The following CUL3 variants were observed in gnomAD, a reference collection of about 807,000 sequenced individuals.
CUL3 encodes cullin 3.
CUL3 carries 19 observed loss-of-function variants against 89.1 expected under a neutral mutation model. The ratio of observed to expected loss-of-function variants is 0.21; its 90% CI spans 0.15 to 0.31. The LOEUF (loss-of-function observed/expected upper bound fraction) is 0.31, where lower values mean the gene tolerates loss of function less well. Among genes scored for constraint, CUL3 ranks in the 10% least tolerant of loss-of-function variants. CUL3 has a pLI of 1.00. For synonymous variants in CUL3, 351 were observed against 308.4 expected (o/e 1.14, Z -1.45); for missense variants, 469 against 942.3 (o/e 0.50, Z 6.58).
At chr2:224,523,852 T>C (rs1162696799) in intron 3 of CUL3, among the ~76,000 whole-genome samples, 1 of 152,126 alleles carries the variant, frequency 6.6e-6, no homozygotes, top group Non-Finnish European at 1.5e-5. Flanking sequence ...CATGAGGTAA[T>C]GAGTGATCAA....
chr2:224,523,312 G>A (rs572665672), intron 3 of CUL3, among the ~76,000 whole-genome samples: 89 of 151,436 alleles, frequency 5.9e-4, no homozygotes, highest in African/African-American at 1.9e-3. Flanking sequence ...TAAGACCAAC[G>A]CCCCTGGAAG....
chr2:224,501,001 T>C (rs1574632733), intron 10 of CUL3, among the ~76,000 whole-genome samples: 1 of 152,164 alleles, frequency 6.6e-6, no homozygotes, highest in Admixed American at 6.5e-5. Context: ...GCTTAATTAT[T>C]GCTTATTATG....
intron 11 of CUL3, among the ~76,000 whole-genome samples, chr2:224,498,766 G>C (rs1345596046): frequency 6.6e-6 from 1 of 152,202 alleles, no homozygotes; most frequent in Non-Finnish European, 1.5e-5. Context: ...GGTGGAGACA[G>C]TATACAAGAT....
chr2:224,492,975 T>C (rs1362371914), intron 13 of CUL3, among the ~76,000 whole-genome samples: 6 of 152,028 alleles, frequency 3.9e-5, no homozygotes, highest in Non-Finnish European at 7.4e-5. Flanking sequence ...TAAGGCCACT[T>C]AACAACATCC....
chr2:224,546,058 TG>T (rs2106283869), intron 2 of CUL3, among the ~76,000 whole-genome samples: 1 of 152,260 alleles, frequency 6.6e-6, no homozygotes, highest in African/African-American at 2.4e-5. Flanking sequence ...ACTTACTGGT[TG>T]GAAAGGAATG....
intron 2 of CUL3, among the ~76,000 whole-genome samples, chr2:224,536,007 A>G (rs1323875450): frequency 6.6e-6 from 1 of 152,030 alleles, no homozygotes. Flanking sequence ...CCCTTCCCCA[A>G]CTTTGAATAA....
chr2:224,527,028 T>C (rs1357751131), intron 3 of CUL3, among the ~76,000 whole-genome samples: 1 of 152,192 alleles, frequency 6.6e-6, no homozygotes, highest in Non-Finnish European at 1.5e-5. Context: ...AGTATGTGAC[T>C]TCTAACTATA....
chr2:224,491,929 T>G (rs888574049), intron 13 of CUL3, among the ~76,000 whole-genome samples: 4 of 152,188 alleles, frequency 2.6e-5, no homozygotes, highest in African/African-American at 9.7e-5. Context: ...ATGCTGACCT[T>G]TCTTTGTATT....
rs2106206211 is a variant in CUL3 at position 224,506,946 on chromosome 2, C to T, written c.941G>A (p.Cys314Tyr). The T allele has an allele frequency of 6.2e-7, 1 of 1,613,630 alleles. No individual in the cohort carries two copies. Among genetic ancestry groups the T allele is most frequent in the Non-Finnish European group, 8.5e-7 (1 of 1,179,716 alleles). The change falls in exon 7 of 16, where the codon TGT (cysteine) becomes TAT (tyrosine). Residue 314 changes from cysteine (C) to tyrosine (Y), a missense_variant. By Grantham distance (194) the Cys-to-Tyr change is radical. Coordinates refer to ENST00000264414, the MANE Select transcript of CUL3 (RefSeq NM_003590.5). ...CCTCAAATAGGAACTCATACACTCACACATTGTTTTCAAACCATTTGGCAC... is the reference window on the plus strand; with the variant it reads ...CCTCAAATAGGAACTCATACACTCATACATTGTTTTCAAACCATTTGGCAC... ...SRVPNGLKTMCECMSSYLREQ... is the reference protein window; with the variant it reads ...SRVPNGLKTMYECMSSYLREQ...
chr2:224,560,419 T>C (rs1374102346), intron 1 of CUL3: 2 of 152,498 alleles, frequency 1.3e-5, no homozygotes, highest in Non-Finnish European at 2.9e-5. Context: ...CTTTAATGCG[T>C]AGTAGGCATC....
chr2:224,573,942 T>C (rs1695243345), intron 1 of CUL3, among the ~76,000 whole-genome samples: 1 of 152,138 alleles, frequency 6.6e-6, no homozygotes, highest in Admixed American at 6.5e-5. Flanking sequence ...AGGCAACCTC[T>C]AGTGGAAATG....
intron 1 of CUL3, among the ~76,000 whole-genome samples, chr2:224,571,762 G>GT (rs1231056956): frequency 6.6e-6 from 1 of 152,100 alleles, no homozygotes; most frequent in Admixed American, 6.6e-5. Context: ...AGACTAAAAA[G>GT]TAAGTAATTT....
chr2:224,497,011 A>C (rs1692193836), intron 12 of CUL3, among the ~76,000 whole-genome samples: 2 of 152,146 alleles, frequency 1.3e-5, no homozygotes, highest in Middle Eastern at 3.2e-3. Flanking sequence ...ATTTCAATTA[A>C]ATATCAAAAT....
chr2:224,514,529 T>C, intron 4 of CUL3, 83 bp downstream of exon 4: 7 of 1,189,346 alleles, frequency 5.9e-6, no homozygotes, highest in Non-Finnish European at 8.1e-6. Context: ...CTTTTATTTA[T>C]TTTAATAAAA....
chr2:224,503,130 T>G (rs931787983), intron 9 of CUL3, 58 bp from the exon 10 acceptor site: 4 of 1,063,230 alleles, frequency 3.8e-6, no homozygotes, highest in Admixed American at 3.8e-5. Context: ...TATGAGAAAG[T>G]ACAGAAAGAA....
intron 2 of CUL3, among the ~76,000 whole-genome samples, chr2:224,542,585 G>A (rs1043164124): frequency 2.0e-5 from 3 of 152,036 alleles, no homozygotes; most frequent in Admixed American, 1.3e-4. Context: ...GCGCGCATGC[G>A]TGTGTAGGTA....
chr2:224,524,476 A>C lies in CUL3; in HGVS notation c.379-9704T>G, dbSNP rs1012752326. Among the ~76,000 whole-genome samples the C allele has an allele frequency of 5.9e-5, 9 of 152,230 alleles. No homozygotes were observed. In the South Asian group the frequency reaches 1.9e-3, roughly 32 times the overall value. ...GGCTGAAGATCTGTGCTGAAGAGAC[A>C]ACTGTTAGAATTCTAGGAACATTAA... On this transcript the variant is annotated intron_variant, in intron 3 of 15. Transcript: ENST00000264414.
chr2:224,542,698 C>A (rs1177676574), intron 2 of CUL3, among the ~76,000 whole-genome samples: 1 of 152,116 alleles, frequency 6.6e-6, no homozygotes, highest in Admixed American at 6.6e-5. Flanking sequence ...CATGAGTCAC[C>A]GTGTCTGGCC....
intron 2 of CUL3, among the ~76,000 whole-genome samples, chr2:224,542,686 C>T (rs928092332): frequency 3.3e-5 from 5 of 152,132 alleles, no homozygotes; most frequent in African/African-American, 1.2e-4. Flanking sequence ...TGGGATTATA[C>T]GCATGAGTCA....
Sources: gnomAD v4.1 joint callset for allele counts (sites outside exome capture counted in the v4.1 genomes callset) on GRCh38, gnomAD v4.1.1 for gene constraint, MANE v1.5 for transcripts, NCBI Gene and HGNC (gene_info 2026-07-23, HGNC 2026-07-21) for gene names.